EXOC4: variants seen among roughly 807,000 people sequenced by gnomAD.
The protein encoded by EXOC4 is SEC8-like 1.
In EXOC4, 71 loss-of-function variants were observed where a neutral mutation model predicts 107.2. That is an observed-to-expected ratio of 0.66 (90% CI 0.55 to 0.81). EXOC4 has a LOEUF of 0.81. Among genes scored for constraint, EXOC4 ranks in the 30% least tolerant of loss-of-function variants. EXOC4 has a pLI of 0.00. For missense variants in EXOC4, 1,108 were observed against 1,189.6 expected (o/e 0.93, Z 1.01); for synonymous variants, 456 against 441.2 (o/e 1.03, Z -0.42).
rs539787540 is a variant in EXOC4 at position 133,817,261 on chromosome 7, C to T, written c.1515-64C>T. The T allele has an allele frequency of 5.1e-5, 59 of 1,149,098 alleles. 1 individual carries two copies. In the South Asian group the frequency reaches 7.2e-4, roughly 14 times the overall value. The allele number at this position is 1,149,098 out of a possible 1,614,324, so 71.2% of individuals were successfully genotyped here. A position where few individuals can be genotyped will look rare whatever the true frequency, so the allele number is the denominator to read the frequency against. ...CCAACACTAGATATACTCATGTCCT[C>T]ATGTCGTATTTATATAACATTTTCC... On this transcript the variant is annotated intron_variant, in intron 10 of 17. Transcript: ENST00000253861.
At chr7:133,944,676 T>A (rs1325994992) in intron 14 of EXOC4, among the ~76,000 whole-genome samples, 1 of 152,172 alleles carries the variant, frequency 6.6e-6, no homozygotes, top group Non-Finnish European at 1.5e-5. Flanking sequence ...ATAAGCCCAA[T>A]GTTTGGATGA....
At chr7:133,871,357 A>G (rs760416925) in intron 11 of EXOC4, among the ~76,000 whole-genome samples, 2 of 152,176 alleles carry the variant, frequency 1.3e-5, no homozygotes, top group South Asian at 2.1e-4. Flanking sequence ...ATTTCCCTGG[A>G]GAGCTGCTTG....
chr7:133,845,334 T>TGTGTGTGTG (rs757397253), intron 11 of EXOC4, among the ~76,000 whole-genome samples: 3 of 136,758 alleles, frequency 2.2e-5, no homozygotes, highest in Non-Finnish European at 4.5e-5. Context: ...GGCAGGTTAG[T>TGTGTGTGTG]AGTGTGTGTG....
At chr7:133,799,395 C>T (rs1047139847) in intron 10 of EXOC4, among the ~76,000 whole-genome samples, 2 of 152,134 alleles carry the variant, frequency 1.3e-5, no homozygotes, top group East Asian at 3.9e-4. Context: ...ACATTCTCAT[C>T]GAGTGGAATG....
chr7:133,602,476 C>T (rs1801832150), intron 9 of EXOC4, among the ~76,000 whole-genome samples: 1 of 152,144 alleles, frequency 6.6e-6, no homozygotes, highest in Admixed American at 6.6e-5. Context: ...GCTTTCTTGT[C>T]AGTATCAGTG....
intron 10 of EXOC4, among the ~76,000 whole-genome samples, chr7:133,639,427 GC>G (rs1802797903): frequency 6.6e-6 from 1 of 152,032 alleles, no homozygotes; most frequent in African/African-American, 2.4e-5. Context: ...GTGTCATACT[GC>G]CTGTGAAGTA....
At chr7:133,450,955 G>A (rs1027576508) in intron 7 of EXOC4, among the ~76,000 whole-genome samples, 6 of 152,130 alleles carry the variant, frequency 3.9e-5, no homozygotes, top group Non-Finnish European at 7.3e-5. Context: ...TGGTGAGTTC[G>A]GGAGGGCCAG....
chr7:134,070,314 C>CCG (rs1554442712), downstream of EXOC4, among the ~76,000 whole-genome samples: 1 of 151,954 alleles, frequency 6.6e-6, no homozygotes, highest in Non-Finnish European at 1.5e-5. Flanking sequence ...GTGTAATGAA[C>CCG]TGCGCAGCTG....
chr7:133,685,709 C>T (rs1321002654), intron 10 of EXOC4, among the ~76,000 whole-genome samples: 1 of 152,098 alleles, frequency 6.6e-6, no homozygotes, highest in Non-Finnish European at 1.5e-5. Flanking sequence ...AACAAGTATA[C>T]CTCTAAAAAT....
At chr7:133,971,398 AGAGAAAGAG>A (rs1801232100) in intron 14 of EXOC4, among the ~76,000 whole-genome samples, 1 of 132,926 alleles carries the variant, frequency 7.5e-6, no homozygotes, top group East Asian at 2.5e-4. Context: ...AGAGAGAGAG[AGAGAAAGAG>A]AGAGAGAATA....
intron 7 of EXOC4, among the ~76,000 whole-genome samples, chr7:133,415,028 A>C (rs1040225738): frequency 4.6e-5 from 7 of 152,172 alleles, no homozygotes; most frequent in African/African-American, 1.7e-4. Flanking sequence ...AAATGAAATC[A>C]TATAATATGT....
chr7:133,628,079 AT>A (rs71162011), intron 9 of EXOC4, among the ~76,000 whole-genome samples: 59,813 of 151,672 alleles, frequency 0.39, 12,108 homozygotes, highest in South Asian at 0.52. Flanking sequence ...AAAATGTTTA[AT>A]TTAGAAGAAG....
At chr7:133,626,075 T>A (rs1457497235) in intron 9 of EXOC4, among the ~76,000 whole-genome samples, 1 of 152,028 alleles carries the variant, frequency 6.6e-6, no homozygotes, top group Non-Finnish European at 1.5e-5. Flanking sequence ...AGCATGTTGG[T>A]GCGTGCCTGT....
intron 9 of EXOC4, among the ~76,000 whole-genome samples, chr7:133,489,466 A>C (rs1799331017): frequency 6.6e-6 from 1 of 152,056 alleles, no homozygotes; most frequent in South Asian, 2.1e-4. Flanking sequence ...TTTTGTTGCA[A>C]CTCCTGGTAT....
intron 9 of EXOC4, among the ~76,000 whole-genome samples, chr7:133,538,860 AG>A (rs1800325709): frequency 1.1e-5 from 1 of 90,440 alleles, no homozygotes. Flanking sequence ...AGAAAGAAAG[AG>A]AGAGAGAGAG....
At chr7:133,415,243 G>GT (rs1362458032) in intron 7 of EXOC4, among the ~76,000 whole-genome samples, 1 of 152,132 alleles carries the variant, frequency 6.6e-6, no homozygotes, top group Non-Finnish European at 1.5e-5. Context: ...GAGCATTTAT[G>GT]TTTAAGTTTT....
intron 14 of EXOC4, among the ~76,000 whole-genome samples, chr7:133,987,526 T>C (rs1306337902): frequency 1.3e-5 from 2 of 152,054 alleles, no homozygotes; most frequent in East Asian, 1.9e-4. Context: ...AAAGAACTTA[T>C]TTTATCCCAA....
At position 133,560,346 on chromosome 7, in the gene EXOC4, G is replaced by A. The variant is rs138293234; in HGVS notation, c.1418-69699G>A. Among the ~76,000 whole-genome samples, 926 of 152,104 alleles carry A rather than the reference G, an allele frequency of 6.1e-3. 12 individuals are homozygous for A. The highest frequency in any genetic ancestry group is 0.021 in the African/African-American group (882 of 41,480). On this transcript the variant is annotated intron_variant, in intron 9 of 17. Coordinates refer to ENST00000253861, the MANE Select transcript of EXOC4 (RefSeq NM_021807.4). ...GTGGCCCAGGCTAGAGTGCAGTGGC[G>A]CAACCTTGGCTCACTGCAACCTCCA... is the stretch of plus-strand genomic sequence containing the variant.
intron 7 of EXOC4, among the ~76,000 whole-genome samples, chr7:133,404,621 C>CA (rs1797170745): frequency 3.3e-5 from 5 of 152,110 alleles, no homozygotes; most frequent in Admixed American, 3.3e-4. Flanking sequence ...CTTATGTTGT[C>CA]ATTGCCTTTT....
Sources: allele counts gnomAD v4.1 joint callset (sites outside exome capture counted in the v4.1 genomes callset), GRCh38; gene constraint gnomAD v4.1.1; transcripts MANE v1.5; gene names NCBI Gene and HGNC (gene_info 2026-07-23, HGNC 2026-07-21).